KALRN: variants seen among roughly 807,000 people sequenced by gnomAD.
KALRN encodes the protein kalirin RhoGEF kinase, also known as kalirin.
In KALRN, 70 loss-of-function variants were observed where a neutral mutation model predicts 353.7. The observed-to-expected ratio is 0.20, with a 90% confidence interval of 0.16 to 0.24. The LOEUF is 0.24. Ranked by LOEUF, KALRN falls within the 10% of genes least tolerant of loss-of-function variation. KALRN has a pLI of 1.00. For synonymous variants in KALRN, 1,391 were observed against 1,434.8 expected (o/e 0.97, Z 0.69); for missense variants, 2,791 against 3,756.7 (o/e 0.74, Z 6.72).
chr3:124,694,956 T>C (rs114037258), intron 53 of KALRN, among the ~76,000 whole-genome samples: 2,785 of 152,256 alleles, frequency 0.018, 37 homozygotes, highest in Non-Finnish European at 0.03. Context: ...GATCCCCAAG[T>C]GAATCTCTAA....
chr3:124,106,593 A>G (rs958011992), intron 1 of KALRN, among the ~76,000 whole-genome samples: 1 of 152,150 alleles, frequency 6.6e-6, no homozygotes, highest in Admixed American at 6.6e-5. Flanking sequence ...CCTTCTATAT[A>G]AAGCCTTGTG....
intron 30 of KALRN, 56 bp from the exon 31 acceptor site, chr3:124,491,267 A>C: frequency 4.8e-6 from 6 of 1,263,018 alleles, no homozygotes; most frequent in Non-Finnish European, 6.6e-6. Flanking sequence ...CCCCAGCCCT[A>C]AGTTTCCCCA....
intron 10 of KALRN, among the ~76,000 whole-genome samples, chr3:124,367,038 G>T (rs1168070215): frequency 8.5e-5 from 12 of 141,068 alleles, no homozygotes; most frequent in African/African-American, 1.3e-4. Flanking sequence ...CCTCCCGGAC[G>T]GGGCGGCTGG....
At chr3:124,608,565 C>T (rs941639318) in intron 34 of KALRN, among the ~76,000 whole-genome samples, 1 of 152,044 alleles carries the variant, frequency 6.6e-6, no homozygotes, top group Non-Finnish European at 1.5e-5. Context: ...GTCTGTGGAC[C>T]GTATGTTTTT....
At chr3:124,085,677 A>G (rs539121751) in intron 1 of KALRN, among the ~76,000 whole-genome samples, 47 of 152,322 alleles carry the variant, frequency 3.1e-4, no homozygotes, top group African/African-American at 1.1e-3. Flanking sequence ...TTTTTCAGAA[A>G]AGATTTGAGC....
intron 34 of KALRN, among the ~76,000 whole-genome samples, chr3:124,572,858 C>G (rs575996902): frequency 6.6e-6 from 1 of 151,948 alleles, no homozygotes; most frequent in African/African-American, 2.4e-5. Flanking sequence ...GGCAACAGAG[C>G]GAGACCCCGT....
intron 34 of KALRN, among the ~76,000 whole-genome samples, chr3:124,583,616 T>G (rs868664234): frequency 6.6e-6 from 1 of 152,302 alleles, no homozygotes; most frequent in Middle Eastern, 3.4e-3. Context: ...TGTAACAGGA[T>G]GTTAGCCCAG....
chr3:124,666,772 C>A, intron 46 of KALRN, 138 bp downstream of exon 46: 1 of 765,318 alleles, frequency 1.3e-6, no homozygotes. Flanking sequence ...GTCATGGAGG[C>A]TGCACGACAG....
At chr3:124,236,108 G>C (rs1042409809) in intron 3 of KALRN, among the ~76,000 whole-genome samples, 1 of 151,884 alleles carries the variant, frequency 6.6e-6, no homozygotes, top group Non-Finnish European at 1.5e-5. Context: ...AAGAACTTCG[G>C]GCAGAAGACT....
intron 33 of KALRN, chr3:124,504,645 A>T (rs2065006926): frequency 8.6e-6 from 3 of 348,732 alleles, no homozygotes; most frequent in South Asian, 6.7e-5. Context: ...AGTACTCGTG[A>T]CTCACATCAT....
chr3:124,385,803 T>C (rs1030461504), intron 11 of KALRN, among the ~76,000 whole-genome samples: 3 of 152,190 alleles, frequency 2.0e-5, no homozygotes, highest in African/African-American at 7.2e-5. Flanking sequence ...TGGGACATGC[T>C]GAAATTGAAT....
intron 3 of KALRN, among the ~76,000 whole-genome samples, chr3:124,236,706 G>T (rs12634359): frequency 0.093 from 14,129 of 152,214 alleles, 1,837 homozygotes; most frequent in East Asian, 0.64. Flanking sequence ...CAAAACAGAC[G>T]GGAAGCAATT....
chr3:124,355,707 A>ATTTTTT (rs1321114015), intron 10 of KALRN, among the ~76,000 whole-genome samples: 1 of 87,406 alleles, frequency 1.1e-5, no homozygotes. Flanking sequence ...ACTCTCTCCC[A>ATTTTTT]TCTTTTTTTT....
intron 25 of KALRN, among the ~76,000 whole-genome samples, chr3:124,464,930 C>A (rs2060185514): frequency 6.6e-6 from 1 of 151,738 alleles, no homozygotes. Flanking sequence ...CTGTATCCCA[C>A]CATAGGGCCC....
At chr3:124,250,852 A>G (rs926370921) in intron 3 of KALRN, among the ~76,000 whole-genome samples, 1 of 151,988 alleles carries the variant, frequency 6.6e-6, no homozygotes, top group Non-Finnish European at 1.5e-5. Flanking sequence ...CCCAGAAGGA[A>G]GGGATGAACA....
At chr3:124,707,392 A>G (rs2062675734) in intron 57 of KALRN, among the ~76,000 whole-genome samples, 1 of 139,646 alleles carries the variant, frequency 7.2e-6, no homozygotes, top group South Asian at 2.3e-4. Flanking sequence ...GGAGAATAGC[A>G]GTTTCCTTCC....
intron 34 of KALRN, among the ~76,000 whole-genome samples, chr3:124,608,994 C>T (rs1296005118): frequency 6.6e-6 from 1 of 152,180 alleles, no homozygotes; most frequent in African/African-American, 2.4e-5. Context: ...ACCTTAGCAG[C>T]ATTCAGGCAG....
chr3:124,379,269 G>T (rs2086994506), intron 10 of KALRN, among the ~76,000 whole-genome samples: 2 of 151,872 alleles, frequency 1.3e-5, no homozygotes, highest in Admixed American at 6.6e-5. Context: ...CTGAACATAT[G>T]GAATACAATT....
intron 1 of KALRN, among the ~76,000 whole-genome samples, chr3:124,065,649 AAAAG>A (rs2042295709): frequency 6.6e-6 from 1 of 151,590 alleles, no homozygotes; most frequent in Non-Finnish European, 1.5e-5. Context: ...AAAAAAAAAA[AAAAG>A]AGTACAGGCT....
Sources: gnomAD v4.1 joint callset for allele counts (sites outside exome capture counted in the v4.1 genomes callset) on GRCh38, gnomAD v4.1.1 for gene constraint, MANE v1.5 for transcripts, NCBI Gene and HGNC (gene_info 2026-07-23, HGNC 2026-07-21) for gene names.